The following ARL6IP5 variants were observed in gnomAD, a reference collection of about 807,000 sequenced individuals.
The protein encoded by ARL6IP5 is PRA1 family protein 3.
In ARL6IP5, 6 loss-of-function variants were observed where a neutral mutation model predicts 13.0. The observed-to-expected ratio is 0.46, with a 90% confidence interval of 0.25 to 0.91. ARL6IP5 has a LOEUF of 0.91. ARL6IP5 is among the 40% of genes least tolerant of loss of function. The probability of loss-of-function intolerance (pLI) is 0.17; values close to 1 mark genes in which losing one functional copy is unlikely to be tolerated. For synonymous variants in ARL6IP5, 91 were observed against 91.9 expected, an observed-to-expected ratio of 0.99 and a Z score of 0.06; for missense variants, 208 against 248.8, an observed-to-expected ratio of 0.84 and a Z score of 1.10.
intron 1 of ARL6IP5, among the ~76,000 whole-genome samples, chr3:69,086,035 G>A (rs1055132678): frequency 6.6e-6 from 1 of 152,172 alleles, no homozygotes; most frequent in South Asian, 2.1e-4. Flanking sequence ...GATGGGTGGT[G>A]ATATTCTCAA....
intron 1 of ARL6IP5, among the ~76,000 whole-genome samples, chr3:69,095,357 T>C (rs1200093452): frequency 1.3e-5 from 2 of 151,774 alleles, no homozygotes; most frequent in Admixed American, 6.6e-5. Flanking sequence ...GGGTAATACA[T>C]GTTCATATTT....
At chr3:69,096,844 C>G (rs530803400) in intron 1 of ARL6IP5, among the ~76,000 whole-genome samples, 90 of 152,024 alleles carry the variant, frequency 5.9e-4, no homozygotes, top group Admixed American at 1.0e-3. Context: ...CCTTGTGATC[C>G]ACCTGCCTCA....
At chr3:69,090,969 G>T (rs1436006643) in intron 1 of ARL6IP5, among the ~76,000 whole-genome samples, 1 of 152,180 alleles carries the variant, frequency 6.6e-6, no homozygotes. Context: ...GGCCGAGGCG[G>T]GTAGATCACC....
At chr3:69,097,217 G>C (rs560118631) in intron 1 of ARL6IP5, among the ~76,000 whole-genome samples, 1 of 152,106 alleles carries the variant, frequency 6.6e-6, no homozygotes, top group African/African-American at 2.4e-5. Context: ...CTAGAGTATA[G>C]TGGCACCATC....
Position 69,099,133 on chromosome 3 carries a change from GGGGGT to G in ARL6IP5, c.177-2701_177-2697del, listed in dbSNP as rs796227591. Among the ~76,000 whole-genome samples the G allele has an allele frequency of 2.4e-4, 25 of 102,832 alleles. 1 individual carries two copies. Among genetic ancestry groups the G allele is most frequent in the African/African-American group, 1.0e-3 (22 of 21,374 alleles). The allele number at this position is 102,832 out of a possible 152,430, so 67.5% of individuals were successfully genotyped here. On this transcript the variant is annotated intron_variant, in intron 1 of 2. Transcript: ENST00000273258. ...GCACTTTGGGAGGCTGAGGGGCGGG[GGGGGT>G]GGGGGGTGGATCACATGAGGTCAGG...
At chr3:69,092,602 T>C (rs1471711600) in intron 1 of ARL6IP5, among the ~76,000 whole-genome samples, 1 of 152,186 alleles carries the variant, frequency 6.6e-6, no homozygotes, top group Non-Finnish European at 1.5e-5. Flanking sequence ...TCCAAGTAGC[T>C]GGGATTACAG....
intron 1 of ARL6IP5, among the ~76,000 whole-genome samples, chr3:69,099,131 G>GCA (rs1350826756): frequency 8.0e-5 from 8 of 100,096 alleles, no homozygotes; most frequent in African/African-American, 4.0e-4. Context: ...CTGAGGGGCG[G>GCA]GGGGGGTGGG....
At chr3:69,085,317 C>T in intron 1 of ARL6IP5, 94 bp downstream of exon 1, 1 of 1,430,878 alleles carries the variant, frequency 7.0e-7, no homozygotes, top group South Asian at 1.3e-5. Flanking sequence ...CGCTCTCTGA[C>T]CACGCTCAGC....
At chr3:69,089,142 G>T (rs2092257088) in intron 1 of ARL6IP5, among the ~76,000 whole-genome samples, 2 of 152,168 alleles carry the variant, frequency 1.3e-5, no homozygotes, top group African/African-American at 4.8e-5. Context: ...AGAGGCACTG[G>T]ATTGGTCTGG....
intron 1 of ARL6IP5, among the ~76,000 whole-genome samples, chr3:69,095,899 C>A (rs992149505): frequency 1.3e-5 from 2 of 152,168 alleles, no homozygotes; most frequent in African/African-American, 2.4e-5. Context: ...AAAGTTTTGT[C>A]CTAAAAGTCT....
intron 1 of ARL6IP5, among the ~76,000 whole-genome samples, chr3:69,086,174 G>A (rs1216150552): frequency 1.3e-5 from 2 of 152,214 alleles, no homozygotes; most frequent in African/African-American, 4.8e-5. Flanking sequence ...GCAGCAAGCT[G>A]GCTTGGGAGA....
rs2092270673 is a variant in ARL6IP5, at chr3:69,092,359, G to A, written c.176+7136G>A. Among the ~76,000 whole-genome samples, 6 of 152,298 alleles carry A rather than the reference G, an allele frequency of 3.9e-5. No homozygotes were observed. The South Asian group carries it at 1.2e-3, about 32-fold the overall frequency. On this transcript the variant is annotated intron_variant, in intron 1 of 2. Transcript: ENST00000273258. ...GGGGTTAGTGAGGGGTAAATAGACA[G>A]GAAACTTGTGAGAAGGAAGTCTGTG... is the stretch of plus-strand genomic sequence containing the variant.
In ARL6IP5 at chr3:69,105,207, G is replaced by C; in HGVS notation, c.*571G>C. On this transcript the variant is annotated 3_prime_UTR_variant, in exon 3 of 3. Coordinates refer to ENST00000273258, the MANE Select transcript of ARL6IP5 (RefSeq NM_006407.4). ...TTCATACTTCCTTTACAAATATAAAGATAGCTGTTTAGGATATTTTGTTAC... is the reference window on the plus strand; with the variant it reads ...TTCATACTTCCTTTACAAATATAAACATAGCTGTTTAGGATATTTTGTTAC... The C allele has an allele frequency of 3.9e-6, 1 of 257,056 alleles. No homozygotes were observed. Among genetic ancestry groups the C allele is most frequent in the Non-Finnish European group, 7.4e-6 (1 of 134,606 alleles). 15.9% of individuals were successfully genotyped at this position (257,056 alleles called of 1,614,324 possible). A position where few individuals can be genotyped will look rare whatever the true frequency, so the allele number is the denominator to read the frequency against.
At position 69,104,674 on chromosome 3, in the gene ARL6IP5, AG is replaced by A; in HGVS notation, c.*39del. ...TGAGCTAGGGTTGCAGCAGAAATTG[AG>A]TTGCAGCTTGCCCTTGTCCAGACCT... On this transcript the variant is annotated 3_prime_UTR_variant, in exon 3 of 3. Coordinates refer to ENST00000273258, the MANE Select transcript of ARL6IP5 (RefSeq NM_006407.4). The A allele has an allele frequency of 6.2e-7, 1 of 1,603,262 alleles. No homozygotes were observed. Among genetic ancestry groups the A allele is most frequent in the South Asian group, 1.1e-5 (1 of 90,116 alleles).
At chr3:69,098,702 T>C (rs1343972994) in intron 1 of ARL6IP5, among the ~76,000 whole-genome samples, 1 of 152,222 alleles carries the variant, frequency 6.6e-6, no homozygotes, top group Non-Finnish European at 1.5e-5. Flanking sequence ...TAGAAACTTC[T>C]ACTTCTGAGC....
rs763150918 is a variant in ARL6IP5, at chr3:69,104,450, T to A, written c.395-14T>A. On this transcript the variant is annotated splice_polypyrimidine_tract_variant and intron_variant, in intron 2 of 2. Coordinates refer to ENST00000273258, the MANE Select transcript of ARL6IP5 (RefSeq NM_006407.4). ...TTGTTGCTTTGGTGTTAACCAGGTG[T>A]CCCTTCTCTGCAGTGATGTTTATCC... The A allele has an allele frequency of 1.5e-5, 24 of 1,607,864 alleles. No homozygotes were observed. In the Admixed American group the frequency reaches 2.9e-4, roughly 19 times the overall value.
At chr3:69,085,348 A>G in intron 1 of ARL6IP5, 125 bp downstream of exon 1, 1 of 1,273,032 alleles carries the variant, frequency 7.9e-7, no homozygotes, top group Non-Finnish European at 1.1e-6. Flanking sequence ...GCAATTCTGC[A>G]AGCGGCCAAG....
At chr3:69,100,784 TAAAA>T (rs55658079) in intron 1 of ARL6IP5, among the ~76,000 whole-genome samples, 1 of 100,028 alleles carries the variant, frequency 1.0e-5, no homozygotes. Context: ...CTGTCTCAAA[TAAAA>T]AAAAAAAAAA....
intron 1 of ARL6IP5, among the ~76,000 whole-genome samples, chr3:69,095,766 A>T (rs1470588776): frequency 1.3e-5 from 2 of 152,142 alleles, no homozygotes. Flanking sequence ...AAGTTCTGGG[A>T]TTACAGTTAT....
Sources: allele counts gnomAD v4.1 joint callset (sites outside exome capture counted in the v4.1 genomes callset), GRCh38; gene constraint gnomAD v4.1.1; transcripts MANE v1.5; gene names NCBI Gene and HGNC (gene_info 2026-07-23, HGNC 2026-07-21).